MAST2: variants seen among roughly 807,000 people sequenced by gnomAD.
MAST2 encodes the protein microtubule associated serine/threonine kinase 2, also known as microtubule-associated serine/threonine-protein kinase 2.
A neutral mutation model predicts 147.4 loss-of-function variants in MAST2; 70 were observed. The observed-to-expected ratio is 0.47, with a 90% CI of 0.39 to 0.58. The LOEUF (loss-of-function observed/expected upper bound fraction) is 0.58. Ranked by LOEUF, MAST2 falls within the 20% of genes least tolerant of loss-of-function variation. MAST2 has a pLI of 0.00. For missense variants in MAST2, 2,080 were observed against 2,302.3 expected, an observed-to-expected ratio of 0.90 and a Z score of 1.98; for synonymous variants, 869 against 896.8, an observed-to-expected ratio of 0.97 and a Z score of 0.55.
intron 5 of MAST2, among the ~76,000 whole-genome samples, chr1:45,988,949 A>G (rs1355356200): frequency 2.0e-5 from 3 of 152,130 alleles, no homozygotes; most frequent in Non-Finnish European, 4.4e-5. Flanking sequence ...TTTCTCCAAG[A>G]GGTCTGGATT....
Position 46,030,708 on chromosome 1 carries a change from C to A in MAST2, c.2655C>A (p.Gly885=). The A allele has an allele frequency of 6.2e-7, 1 of 1,603,686 alleles. No homozygotes were observed. The part of the protein sequence containing the change: ...LSEEKEDHSD[G]LAGLKGRDRS... ...AGGAGAAGGAGGACCATTCAGATGG[C>A]CTGGCAGGGCTCAAAGGCCGAGACC... is the stretch of plus-strand genomic sequence containing the variant. Residue 885 remains glycine (G), a synonymous_variant, in exon 22 of 29, where the codon GGC becomes GGA. Coordinates refer to ENST00000361297, the MANE Select transcript of MAST2 (RefSeq NM_015112.3).
chr1:45,882,277 A>G, intron 3 of MAST2, 87 bp from the exon 4 acceptor site: 2 of 784,260 alleles, frequency 2.6e-6, no homozygotes, highest in South Asian at 3.0e-5. Flanking sequence ...TATTAAGATA[A>G]TGCTGTGAAT....
intron 5 of MAST2, among the ~76,000 whole-genome samples, chr1:45,970,535 G>A (rs565055418): frequency 1.3e-5 from 2 of 152,012 alleles, no homozygotes; most frequent in African/African-American, 4.8e-5. Context: ...GGGTGTGGTG[G>A]CAGCTGCCTG....
chr1:46,030,565 G>A (rs371879861), intron 21 of MAST2, 42 bp from the exon 22 acceptor site: 149 of 1,560,784 alleles, frequency 9.5e-5, no homozygotes, highest in Non-Finnish European at 1.1e-4. Flanking sequence ...TGGGAGGTAC[G>A]GCTGCCAGAG....
At chr1:45,911,059 C>G (rs1651581559) in intron 4 of MAST2, among the ~76,000 whole-genome samples, 1 of 151,992 alleles carries the variant, frequency 6.6e-6, no homozygotes, top group South Asian at 2.1e-4. Context: ...AGTGAGAAGC[C>G]CATAGCAGAG....
Position 46,031,092 on chromosome 1 carries a change from G to C in MAST2, c.2794G>C (p.Gly932Arg). Residue 932 changes from glycine (G) to arginine (R), a missense_variant, in exon 23 of 29, where the codon GGC becomes CGC. Physicochemically the swap from Gly to Arg is moderately radical, Grantham distance 125. Around this residue, in one of 4 missense-constraint regions of MAST2, gnomAD observed 1,278 missense variants for 1,304.2 expected, o/e 0.98. Coordinates refer to ENST00000361297, the MANE Select transcript of MAST2 (RefSeq NM_015112.3). This position sits in a 1 kb window ranked among gnomAD's most constrained non-coding sequence, Gnocchi z 4.1. ...AATGACAGTGCGACGCCGCTGCTCA[G>C]GCCTCCTGGATGCGCCTCGGTTCCC... ...PPMTVRRRCS[G>R]LLDAPRFPEG... 1 of 1,613,118 alleles carries C rather than the reference G, an allele frequency of 6.2e-7. No individual in the cohort carries two copies. Among genetic ancestry groups the C allele is most frequent in the Non-Finnish European group, 8.5e-7 (1 of 1,179,384 alleles).
intron 1 of MAST2, among the ~76,000 whole-genome samples, chr1:45,809,377 C>A (rs1644229365): frequency 6.6e-6 from 1 of 152,206 alleles, no homozygotes; most frequent in Admixed American, 6.5e-5. Context: ...GGTGTGGTGG[C>A]TCATACTTGT....
chr1:46,021,601 G>A (rs540126726), intron 11 of MAST2, among the ~76,000 whole-genome samples: 40 of 152,280 alleles, frequency 2.6e-4, no homozygotes, highest in Admixed American at 2.5e-3. Flanking sequence ...GTGTGTGCCA[G>A]GACAGCTGTG....
rs192170139 is a variant in MAST2, at chr1:45,977,571, G to A, written c.592+18094G>A. Among the ~76,000 whole-genome samples the A allele has an allele frequency of 3.0e-3, 458 of 152,116 alleles. 4 individuals carry two copies. Among genetic ancestry groups the A allele is most frequent in the African/African-American group, 0.01 (426 of 41,492 alleles). ...TCCCAGCACTTTGGGAGGCCGAGGC[G>A]GGCGGATCACAAGGTCAAGAGATCG... is the stretch of plus-strand genomic sequence containing the variant. On this transcript the variant is annotated intron_variant, in intron 5 of 28. Transcript: ENST00000361297.
chr1:46,031,668 GGTGTGT>G lies in MAST2; in HGVS notation c.3187+94_3187+99del. ...CCTTGGGAGGGTTCTGCACGTGGCA[GGTGTGT>G]GTGTGTGTGTTAAGCACAGATCTGA... On this transcript the variant is annotated intron_variant, in intron 24 of 28. Coordinates refer to ENST00000361297, the MANE Select transcript of MAST2 (RefSeq NM_015112.3). This position sits in a 1 kb window ranked among gnomAD's most constrained non-coding sequence, Gnocchi z 4.1. 3 of 1,303,884 alleles carry G rather than the reference GGTGTGT, an allele frequency of 2.3e-6. No individual in the cohort carries two copies. The highest frequency in any genetic ancestry group is 3.2e-6 in the Non-Finnish European group (3 of 948,326). 80.8% of individuals were successfully genotyped at this position (1,303,884 alleles called of 1,614,324 possible).
chr1:45,855,029 C>T (rs1468848736), intron 3 of MAST2, among the ~76,000 whole-genome samples: 1 of 152,208 alleles, frequency 6.6e-6, no homozygotes, highest in East Asian at 1.9e-4. Flanking sequence ...ATCCTGGAAG[C>T]TCTCTGAACC....
intron 3 of MAST2, among the ~76,000 whole-genome samples, chr1:45,854,976 C>T (rs775894002): frequency 1.1e-4 from 17 of 152,160 alleles, no homozygotes; most frequent in African/African-American, 4.1e-4. Flanking sequence ...GAGCTTCACC[C>T]GCTCTGGGCT....
chr1:45,893,169 G>T (rs1472809213), intron 4 of MAST2, among the ~76,000 whole-genome samples: 1 of 152,054 alleles, frequency 6.6e-6, no homozygotes. Flanking sequence ...AAGTAAGGTT[G>T]TTACCAAGTA....
At chr1:45,818,982 AG>A (rs372145759) in intron 1 of MAST2, among the ~76,000 whole-genome samples, 56 of 152,300 alleles carry the variant, frequency 3.7e-4, no homozygotes, top group Middle Eastern at 6.8e-3. Context: ...GACCGGGCAT[AG>A]TGGCTCATGC....
At chr1:45,996,398 T>C (rs1413706629) in intron 5 of MAST2, among the ~76,000 whole-genome samples, 1 of 152,186 alleles carries the variant, frequency 6.6e-6, no homozygotes, top group African/African-American at 2.4e-5. Flanking sequence ...TTGATACTTC[T>C]GAGGAGGCCT....
intron 4 of MAST2, among the ~76,000 whole-genome samples, chr1:45,883,272 T>C (rs1451425637): frequency 6.6e-6 from 1 of 152,228 alleles, no homozygotes; most frequent in Non-Finnish European, 1.5e-5. Context: ...ACACATCATA[T>C]GCAATTTTTA....
chr1:45,869,911 TTTTGTTTG>T (rs58270514), intron 3 of MAST2, among the ~76,000 whole-genome samples: 2 of 150,806 alleles, frequency 1.3e-5, no homozygotes, highest in African/African-American at 2.5e-5. Context: ...CCTGTGATTC[TTTTGTTTG>T]TTTGTTTGTT....
chr1:45,817,759 A>G (rs1035885263), intron 1 of MAST2, among the ~76,000 whole-genome samples: 3 of 152,248 alleles, frequency 2.0e-5, no homozygotes, highest in Non-Finnish European at 4.4e-5. Context: ...TAATAACTAC[A>G]ACAACTTTTC....
Position 45,923,843 on chromosome 1 carries a change from G to GTCA in MAST2, c.501-35541_501-35539dup, listed in dbSNP as rs1345783981. Among the ~76,000 whole-genome samples, 13 of 152,172 alleles carry GTCA rather than the reference G, an allele frequency of 8.5e-5. No individual in the cohort carries two copies. The South Asian group carries it at 2.7e-3, about 32-fold the overall frequency. ...TCCCACAGTCTGTTGTCACTTCTAGGTCATTACCTTTATTACCTTCTTGTA... is the reference window on the plus strand; with the variant it reads ...TCCCACAGTCTGTTGTCACTTCTAGGTCATCATTACCTTTATTACCTTCTTGTA... On this transcript the variant is annotated intron_variant, in intron 4 of 28. Coordinates refer to ENST00000361297, the MANE Select transcript of MAST2 (RefSeq NM_015112.3).
Sources: allele counts gnomAD v4.1 joint callset (sites outside exome capture counted in the v4.1 genomes callset), GRCh38; gene constraint gnomAD v4.1.1; regional missense constraint gnomAD v4.1.1; non-coding constraint Gnocchi (gnomAD v3.1); transcripts MANE v1.5; gene names NCBI Gene and HGNC (gene_info 2026-07-23, HGNC 2026-07-21).